The following TNFSF4 variants were observed in gnomAD, a reference collection of about 807,000 sequenced individuals.
TNFSF4 encodes the protein tumor necrosis factor ligand superfamily member 4.
Under a neutral mutation model 7.3 loss-of-function variants are expected in TNFSF4, and 4 were observed. The observed-to-expected ratio is 0.55, with a 90% CI of 0.27 to 1.25. The LOEUF (loss-of-function observed/expected upper bound fraction) is 1.25. Ranked by LOEUF, TNFSF4 falls within the 50% of genes most tolerant of loss-of-function variation. TNFSF4 has a pLI of 0.12. For synonymous variants in TNFSF4, 76 were observed against 83.7 expected (o/e 0.91, Z 0.50); for missense variants, 181 against 208.8 (o/e 0.87, Z 0.82).
chr1:173,229,214 T>A, the TNFSF4 span, among the ~76,000 whole-genome samples: 129 of 152,266 alleles, frequency 8.5e-4, 1 homozygote, highest in African/African-American at 3.0e-3. Flanking sequence ...GGGAAGCCCA[T>A]CAGACTAACA....
chr1:173,288,288 A>G, the TNFSF4 span, among the ~76,000 whole-genome samples: 1 of 152,018 alleles, frequency 6.6e-6, no homozygotes, highest in South Asian at 2.1e-4. Context: ...CTGCATCCCT[A>G]TGCTGGGTGT....
At chr1:173,261,552 A>G in the TNFSF4 span, among the ~76,000 whole-genome samples, 1 of 152,250 alleles carries the variant, frequency 6.6e-6, no homozygotes, top group African/African-American at 2.4e-5. Context: ...TGGTTTTTGG[A>G]AAAACTTAAT....
chr1:173,222,953 G>T, the TNFSF4 span, among the ~76,000 whole-genome samples: 1 of 152,194 alleles, frequency 6.6e-6, no homozygotes, highest in African/African-American at 2.4e-5. Context: ...GCTTTCTCCA[G>T]TTCAAGCAGG....
chr1:173,374,108 C>T, the TNFSF4 span, among the ~76,000 whole-genome samples: 1 of 152,192 alleles, frequency 6.6e-6, no homozygotes, highest in African/African-American at 2.4e-5. Context: ...TGTTAAAAAT[C>T]CGAAATTCTC....
At chr1:173,243,991 T>C in the TNFSF4 span, among the ~76,000 whole-genome samples, 1 of 152,212 alleles carries the variant, frequency 6.6e-6, no homozygotes, top group Admixed American at 6.5e-5. Flanking sequence ...CTTCTTGCAA[T>C]TTCCAAGTTC....
chr1:173,305,204 C>T, the TNFSF4 span, among the ~76,000 whole-genome samples: 2 of 151,950 alleles, frequency 1.3e-5, no homozygotes, highest in African/African-American at 4.8e-5. Context: ...ATGAGATCTA[C>T]AATTTGCAAA....
rs1649761109 is a variant in TNFSF4, at chr1:173,197,653, G to A, written c.154-9084C>T. On this transcript the variant is annotated intron_variant, in intron 1 of 2. Transcript: ENST00000281834. ...CTGAACAATGAGAACACATGGACAT[G>A]TGGGAGAACAACACTGGCGCCTGTT... Among the ~76,000 whole-genome samples, 3 of 152,156 alleles carry A rather than the reference G, an allele frequency of 2.0e-5. No homozygotes were observed. In the South Asian group the frequency reaches 6.2e-4, roughly 32 times the overall value.
chr1:173,393,540 T>C, the TNFSF4 span, among the ~76,000 whole-genome samples: 6 of 152,342 alleles, frequency 3.9e-5, no homozygotes, highest in South Asian at 1.2e-3. Flanking sequence ...CAAGTTCAAC[T>C]ATTTATTCCT....
At chr1:173,413,344 G>T in the TNFSF4 span, among the ~76,000 whole-genome samples, 3 of 152,214 alleles carry the variant, frequency 2.0e-5, no homozygotes, top group Non-Finnish European at 4.4e-5. Flanking sequence ...AGGTTTCCCT[G>T]TATCTGTGGG....
the TNFSF4 span, among the ~76,000 whole-genome samples, chr1:173,393,145 A>G: frequency 0.077 from 11,745 of 152,224 alleles, 673 homozygotes; most frequent in East Asian, 0.29. Flanking sequence ...CCAAGCTCCT[A>G]AAATGTGTGG....
chr1:173,209,743 T>G (rs7535152), upstream of TNFSF4, among the ~76,000 whole-genome samples: 10,876 of 152,174 alleles, frequency 0.071, 475 homozygotes, highest in East Asian at 0.15. Flanking sequence ...CCTCAAGCAA[T>G]CCTCCTGCCT....
the TNFSF4 span, among the ~76,000 whole-genome samples, chr1:173,262,642 G>A: frequency 3.0e-4 from 37 of 124,292 alleles, no homozygotes; most frequent in East Asian, 3.0e-3. Context: ...TCGCTCTGTC[G>A]CCCAGGCTGG....
the TNFSF4 span, among the ~76,000 whole-genome samples, chr1:173,325,614 G>T: frequency 1.3e-5 from 2 of 151,688 alleles, no homozygotes; most frequent in African/African-American, 2.4e-5. Flanking sequence ...TTGATAGACC[G>T]CTAGCAAGAC....
the TNFSF4 span, among the ~76,000 whole-genome samples, chr1:173,258,159 A>G: frequency 6.6e-6 from 1 of 152,078 alleles, no homozygotes; most frequent in African/African-American, 2.4e-5. Flanking sequence ...CTTCCATTGA[A>G]TCAGTAATAA....
chr1:173,371,106 C>A, the TNFSF4 span, among the ~76,000 whole-genome samples: 1 of 152,148 alleles, frequency 6.6e-6, no homozygotes, highest in African/African-American at 2.4e-5. Context: ...TCACTGAGCC[C>A]CAGGTACGTT....
At chr1:173,314,903 A>G in the TNFSF4 span, among the ~76,000 whole-genome samples, 1 of 152,106 alleles carries the variant, frequency 6.6e-6, no homozygotes, top group Non-Finnish European at 1.5e-5. Flanking sequence ...ATGTTTGGCC[A>G]TAGCACCGAA....
the TNFSF4 span, among the ~76,000 whole-genome samples, chr1:173,429,411 G>A: frequency 6.6e-6 from 1 of 152,218 alleles, no homozygotes; most frequent in Admixed American, 6.5e-5. Flanking sequence ...TCTGTTAGGT[G>A]CTAAATAAGT....
chr1:173,358,864 A>G, the TNFSF4 span, among the ~76,000 whole-genome samples: 1 of 152,218 alleles, frequency 6.6e-6, no homozygotes, highest in African/African-American at 2.4e-5. Context: ...CATCACTGCT[A>G]TATGCTGTTT....
At chr1:173,178,946 G>A (rs567426715), downstream of TNFSF4, among the ~76,000 whole-genome samples, 69 of 152,310 alleles carry the variant, frequency 4.5e-4, no homozygotes, top group African/African-American at 1.6e-3. Flanking sequence ...AGCAATGGGA[G>A]AAAATGTGAT....
Sources: gnomAD v4.1 joint callset for allele counts (sites outside exome capture counted in the v4.1 genomes callset) on GRCh38, gnomAD v4.1.1 for gene constraint, MANE v1.5 for transcripts, NCBI Gene and HGNC (gene_info 2026-07-23, HGNC 2026-07-21) for gene names.